EBF3: variants seen among roughly 807,000 people sequenced by gnomAD.
EBF3 encodes the protein EBF transcription factor 3.
In EBF3, 18 loss-of-function variants were observed where a neutral mutation model predicts 77.1. The ratio of observed to expected loss-of-function variants is 0.23; its 90% CI spans 0.16 to 0.35. EBF3 has a LOEUF of 0.35. Among genes scored for constraint, EBF3 ranks in the 10% least tolerant of loss-of-function variants. The probability of loss-of-function intolerance (pLI) is 1.00; values close to 1 mark genes in which losing one functional copy is unlikely to be tolerated. For missense variants in EBF3, 558 were observed against 860.0 expected (o/e 0.65, Z 4.39); for synonymous variants, 350 against 343.5 (o/e 1.02, Z -0.21).
chr10:129,842,236 T>G lies in EBF3; in HGVS notation c.1252A>C (p.Asn418His). 6.2e-7 allele frequency: 1 copy of G among 1,613,986 alleles called. No individual in the cohort carries two copies. Among genetic ancestry groups the G allele is most frequent in the Non-Finnish European group, 8.5e-7 (1 of 1,179,974 alleles). The change falls in exon 13 of 17, where the codon AAT becomes CAT. Residue 418 changes from asparagine (N) to histidine (H), a missense_variant. Around this residue, in one of 5 missense-constraint regions of EBF3, gnomAD observed 284 missense variants for 368.3 expected, o/e 0.77. Transcript: ENST00000440978. The surrounding 1 kb of genome is among the most constrained non-coding windows in gnomAD (Gnocchi z 4.4). ...CCCAGGGTGGGGATCTGGTTGTGATTGCGGGGAACGCTGTACAGCGCCTCG... is the reference window on the plus strand; with the variant it reads ...CCCAGGGTGGGGATCTGGTTGTGATGGCGGGGAACGCTGTACAGCGCCTCG... ...IAEALYSVPR[N>H]HNQIPTLGNN...
At chr10:129,887,178 C>T (rs1203465828) in intron 6 of EBF3, among the ~76,000 whole-genome samples, 1 of 152,072 alleles carries the variant, frequency 6.6e-6, no homozygotes, top group Non-Finnish European at 1.5e-5. Context: ...TGCAACAGCC[C>T]ACGGCTGGGG....
At chr10:129,931,266 A>G (rs1014461724) in intron 6 of EBF3, among the ~76,000 whole-genome samples, 1 of 152,220 alleles carries the variant, frequency 6.6e-6, no homozygotes, top group African/African-American at 2.4e-5. Context: ...TTGAGAACCC[A>G]ATGTCTTGGG....
chr10:129,936,402 A>G (rs1351212401), intron 6 of EBF3, among the ~76,000 whole-genome samples: 1 of 152,240 alleles, frequency 6.6e-6, no homozygotes, highest in Non-Finnish European at 1.5e-5. Flanking sequence ...GACAGAGCAC[A>G]GGAGACAGGC....
Position 129,939,338 on chromosome 10 carries a change from A to G in EBF3, c.554+17920T>C, listed in dbSNP as rs528335201. Among the ~76,000 whole-genome samples the G allele has an allele frequency of 9.1e-4, 139 of 152,346 alleles. 1 individual carries two copies. The highest frequency in any genetic ancestry group is 3.2e-3 in the African/African-American group (132 of 41,590). On this transcript the variant is annotated intron_variant, in intron 6 of 16. Coordinates refer to ENST00000440978, the MANE Select transcript of EBF3 (RefSeq NM_001375380.1). Reference sequence around the variant, plus strand: ...TGACAAATACGAAGGACAGGGTGAAATCTGAAAACAGCATGATCATGCCAG... The same window carrying G: ...TGACAAATACGAAGGACAGGGTGAAGTCTGAAAACAGCATGATCATGCCAG...
At chr10:129,890,429 G>A (rs1160746714) in intron 6 of EBF3, among the ~76,000 whole-genome samples, 1 of 152,236 alleles carries the variant, frequency 6.6e-6, no homozygotes, top group Non-Finnish European at 1.5e-5. Flanking sequence ...AATCGGCAAA[G>A]ATGATGTAGC....
chr10:129,963,157 G>A lies in EBF3; in HGVS notation c.292-152C>T, dbSNP rs1859657796. The A allele has an allele frequency of 7.4e-6, 9 of 1,218,634 alleles. No homozygotes were observed. The highest frequency in any genetic ancestry group is 1.1e-5 in the Non-Finnish European group (9 of 851,444). 75.5% of individuals were successfully genotyped at this position (1,218,634 alleles called of 1,614,324 possible). On this transcript the variant is annotated intron_variant, in intron 2 of 16. Coordinates refer to ENST00000440978, the MANE Select transcript of EBF3 (RefSeq NM_001375380.1). The surrounding 1 kb of genome is among the most constrained non-coding windows in gnomAD (Gnocchi z 7.1). ...CGGTGATGTCACTTTCCTGCTGGAA[G>A]CCCAGCGTTCTCCTCGCCCCGAGTA...
intron 6 of EBF3, among the ~76,000 whole-genome samples, chr10:129,941,909 A>G (rs771998582): frequency 2.0e-5 from 3 of 152,256 alleles, no homozygotes; most frequent in South Asian, 2.1e-4. Context: ...TGAGATCCCA[A>G]TCCAGACCCA....
At chr10:129,869,396 C>A (rs982465392) in intron 8 of EBF3, among the ~76,000 whole-genome samples, 1 of 152,122 alleles carries the variant, frequency 6.6e-6, no homozygotes, top group Middle Eastern at 3.2e-3. Flanking sequence ...ACCCGCCCCC[C>A]ACCACCCCGC....
At position 129,963,802 on chromosome 10, in the gene EBF3, G is replaced by A. The variant is rs1460307026; in HGVS notation, c.-34C>T. Reference sequence around the variant, plus strand: ...CTGGCGGCGGCCGCAGCTCCCGGCCGAAAGCGTTTCCTCGAGCAGCGGCGC... The same window carrying A: ...CTGGCGGCGGCCGCAGCTCCCGGCCAAAAGCGTTTCCTCGAGCAGCGGCGC... On this transcript the variant is annotated 5_prime_UTR_variant, in exon 1 of 17. Coordinates refer to ENST00000440978, the MANE Select transcript of EBF3 (RefSeq NM_001375380.1). The surrounding 1 kb of genome is among the most constrained non-coding windows in gnomAD (Gnocchi z 7.1). 3.4e-6 allele frequency: 5 copies of A among 1,489,320 alleles called. No homozygotes were observed. The highest frequency in any genetic ancestry group is 1.5e-5 in the African/African-American group (1 of 67,800). 92.3% of individuals were successfully genotyped at this position (1,489,320 alleles called of 1,614,324 possible). A position where few individuals can be genotyped will look rare whatever the true frequency, so the allele number is the denominator to read the frequency against.
chr10:129,905,185 A>C (rs1054774722), intron 6 of EBF3, among the ~76,000 whole-genome samples: 2 of 152,156 alleles, frequency 1.3e-5, no homozygotes, highest in African/African-American at 4.8e-5. Context: ...CCTGACCTTG[A>C]TGGCACCAGA....
rs549319959 is a variant in EBF3 at position 129,836,612 on chromosome 10, AT to A, written c.*1330del. On this transcript the variant is annotated 3_prime_UTR_variant, in exon 17 of 17. Coordinates refer to ENST00000440978, the MANE Select transcript of EBF3 (RefSeq NM_001375380.1). ...TTTCCTCAAAATAAAAAAAAAAAGG[AT>A]GGAAAGTCTAAACAATAGCATATTT... is the stretch of plus-strand genomic sequence containing the variant. 2.2e-5 allele frequency: 3 copies of A among 134,692 alleles called. No individual in the cohort carries two copies. The East Asian group carries it at 6.7e-4, about 30-fold the overall frequency. The allele number at this position is 134,692 out of a possible 1,614,324, so 8.3% of individuals were successfully genotyped here.
At chr10:129,873,124 T>C (rs770417460) in intron 8 of EBF3, among the ~76,000 whole-genome samples, 2 of 152,198 alleles carry the variant, frequency 1.3e-5, no homozygotes, top group Non-Finnish European at 2.9e-5. Flanking sequence ...TATCTGGGTA[T>C]GAGCTTCTGG....
At chr10:129,917,763 C>T (rs1203821806) in intron 6 of EBF3, among the ~76,000 whole-genome samples, 3 of 150,892 alleles carry the variant, frequency 2.0e-5, no homozygotes, top group African/African-American at 7.3e-5. Flanking sequence ...ATCAGGCTTG[C>T]TCCCTGGTGA....
intron 10 of EBF3, among the ~76,000 whole-genome samples, chr10:129,855,139 C>T (rs1036573101): frequency 2.0e-5 from 3 of 152,184 alleles, no homozygotes; most frequent in African/African-American, 7.2e-5. Flanking sequence ...GTATTTCTGT[C>T]GAAAAGTCTT....
At chr10:129,904,698 T>C (rs536515273) in intron 6 of EBF3, among the ~76,000 whole-genome samples, 33 of 151,744 alleles carry the variant, frequency 2.2e-4, no homozygotes, top group Non-Finnish European at 4.3e-4. Flanking sequence ...AATACAAATA[T>C]ATAGACACAG....
At chr10:129,850,533 G>A (rs1850796081) in intron 10 of EBF3, among the ~76,000 whole-genome samples, 1 of 152,198 alleles carries the variant, frequency 6.6e-6, no homozygotes, top group South Asian at 2.1e-4. Context: ...GCGTAATTGT[G>A]CACTGTGGGC....
chr10:129,960,113 GAA>G (rs572584659), intron 4 of EBF3, among the ~76,000 whole-genome samples: 4 of 114,844 alleles, frequency 3.5e-5, no homozygotes, highest in African/African-American at 9.4e-5. Flanking sequence ...AAACAGAAAA[GAA>G]AAAAAAAAAA....
At chr10:129,961,569 A>C (rs2134644640) in intron 4 of EBF3, among the ~76,000 whole-genome samples, 1 of 152,302 alleles carries the variant, frequency 6.6e-6, no homozygotes, top group East Asian at 1.9e-4. Context: ...AGAGGGTGGG[A>C]GAGGGGGCAG....
At chr10:129,907,288 C>A (rs541672135) in intron 6 of EBF3, among the ~76,000 whole-genome samples, 1 of 152,216 alleles carries the variant, frequency 6.6e-6, no homozygotes, top group African/African-American at 2.4e-5. Flanking sequence ...GCCAAAGGCC[C>A]CTTGGCCTCA....
Sources: allele counts gnomAD v4.1 joint callset (sites outside exome capture counted in the v4.1 genomes callset), GRCh38; gene constraint gnomAD v4.1.1; regional missense constraint gnomAD v4.1.1; non-coding constraint Gnocchi (gnomAD v3.1); transcripts MANE v1.5; gene names NCBI Gene and HGNC (gene_info 2026-07-23, HGNC 2026-07-21).